OR51B5: variants seen among roughly 807,000 people sequenced by gnomAD.
The protein encoded by OR51B5 is olfactory receptor 51B5.
For synonymous variants in OR51B5, 186 were observed against 144.8 expected, an observed-to-expected ratio of 1.28 and a Z score of -2.04; for missense variants, 456 against 374.6, an observed-to-expected ratio of 1.22 and a Z score of -1.79.
At position 5,420,860 on chromosome 11, in the gene OR51B5, A is replaced by G. The variant is rs1002046728; in HGVS notation, n.85-73950T>C. 5.3e-5 allele frequency among the ~76,000 whole-genome samples: 8 copies of G among 152,222 alleles called. No homozygotes were observed. The East Asian group carries it at 1.5e-3, about 29-fold the overall frequency. On this transcript the variant is annotated intron_variant and non_coding_transcript_variant, in intron 1 of 4. Transcript: ENST00000415970. ...TCATTTCCTTATTTCTTGTACATAT[A>G]TATAAACATTTCTTTTTTCTTAGTG...
At chr11:5,465,205 C>CAA (rs34459420) in intron 1 of OR51B5, among the ~76,000 whole-genome samples, 19,189 of 45,368 alleles carry the variant, frequency 0.42, 5,604 homozygotes, top group Non-Finnish European at 0.51. Context: ...GACTCCGTCT[C>CAA]AAAAAAAAAA....
At chr11:5,406,662 A>C (rs1452366718) in intron 1 of OR51B5, among the ~76,000 whole-genome samples, 1 of 152,162 alleles carries the variant, frequency 6.6e-6, no homozygotes, top group African/African-American at 2.4e-5. Flanking sequence ...AGTTTGTTTC[A>C]AGCCAATTCT....
intron 1 of OR51B5, among the ~76,000 whole-genome samples, chr11:5,463,651 A>G (rs1851091928): frequency 6.6e-6 from 1 of 152,118 alleles, no homozygotes; most frequent in African/African-American, 2.4e-5. Flanking sequence ...TTGTTTGTTT[A>G]TAAGGAATAT....
chr11:5,361,702 C>G (rs568097211), intron 1 of OR51B5, among the ~76,000 whole-genome samples: 1 of 152,226 alleles, frequency 6.6e-6, no homozygotes, highest in East Asian at 1.9e-4. Flanking sequence ...TTGCAAATTC[C>G]TAGAAGAGGG....
intron 1 of OR51B5, among the ~76,000 whole-genome samples, chr11:5,357,463 C>A (rs933471256): frequency 6.6e-6 from 1 of 152,046 alleles, no homozygotes; most frequent in Non-Finnish European, 1.5e-5. Context: ...CAGGAACACC[C>A]AGGTTCATAA....
intron 1 of OR51B5, among the ~76,000 whole-genome samples, chr11:5,464,774 A>T (rs1368884179): frequency 6.6e-6 from 1 of 152,180 alleles, no homozygotes; most frequent in Admixed American, 6.5e-5. Flanking sequence ...TACAGCAGCA[A>T]GATTTATATT....
At position 5,343,389 on chromosome 11, in the gene OR51B5, G is replaced by GA. The variant is rs1848935867; in HGVS notation, c.135dup (p.Leu46SerfsTer3). ...TGAAGATTGTGATCTTCCTTAATGA[G>GA]AAGAAGGAGGGTGCCATTGCCAAAA... On this transcript the variant is annotated frameshift_variant, in exon 1 of 1. Coordinates refer to ENST00000300773, the Ensembl canonical transcript of OR51B5. LOFTEE classifies it low-confidence loss of function (END_TRUNC). The GA allele has an allele frequency of 6.2e-7, 1 of 1,613,966 alleles. No homozygotes were observed. The highest frequency in any genetic ancestry group is 1.3e-5 in the African/African-American group (1 of 75,052).
chr11:5,413,721 G>T (rs1431042121), intron 1 of OR51B5, among the ~76,000 whole-genome samples: 3 of 152,216 alleles, frequency 2.0e-5, no homozygotes. Context: ...AGCAAGAAGA[G>T]AAGTTTAGAG....
At chr11:5,446,167 T>C (rs1209446668) in intron 1 of OR51B5, among the ~76,000 whole-genome samples, 2 of 152,128 alleles carry the variant, frequency 1.3e-5, no homozygotes, top group Non-Finnish European at 2.9e-5. Context: ...GATGAGTTAA[T>C]GGGTGCAGCA....
intron 1 of OR51B5, among the ~76,000 whole-genome samples, chr11:5,426,982 C>G (rs927725014): frequency 1.3e-5 from 2 of 148,748 alleles, no homozygotes; most frequent in Non-Finnish European, 3.0e-5. Flanking sequence ...ATTATCTGCA[C>G]GATGAGACAA....
intron 1 of OR51B5, among the ~76,000 whole-genome samples, chr11:5,361,432 T>A (rs1247765054): frequency 4.6e-5 from 7 of 152,138 alleles, no homozygotes; most frequent in Admixed American, 4.6e-4. Context: ...TGGTGTTGGA[T>A]CCAATATCTT....
intron 1 of OR51B5, among the ~76,000 whole-genome samples, chr11:5,412,610 G>A (rs1037766113): frequency 3.9e-5 from 6 of 152,178 alleles, no homozygotes; most frequent in Non-Finnish European, 8.8e-5. Context: ...TTTCCAACGG[G>A]CTTAAAAAAC....
chr11:5,343,242 AG>A lies in OR51B5; in HGVS notation c.282del (p.Cys95AlafsTer45), dbSNP rs1260963763. ...TGTATAAAGTAGGCCTGGGAAAAGC[AG>A]GCCGCACTTCCAATCTCCCTGTGAT... On this transcript the variant is annotated frameshift_variant, in exon 1 of 1. Transcript: ENST00000300773. LOFTEE classifies it low-confidence loss of function (END_TRUNC). 1 of 1,613,822 alleles carries A rather than the reference AG, an allele frequency of 6.2e-7. No individual in the cohort carries two copies.
At chr11:5,357,466 G>T (rs1052308909) in intron 1 of OR51B5, among the ~76,000 whole-genome samples, 1 of 151,898 alleles carries the variant, frequency 6.6e-6, no homozygotes, top group Non-Finnish European at 1.5e-5. Context: ...GAACACCCAG[G>T]TTCATAAAGC....
intron 1 of OR51B5, chr11:5,389,703 A>C: frequency 6.2e-7 from 1 of 1,613,744 alleles, no homozygotes; most frequent in Non-Finnish European, 8.5e-7. Context: ...TTTAACTCCC[A>C]TAGTATCTAC....
At chr11:5,489,010 G>A in intron 1 of OR51B5, 1 of 1,614,026 alleles carries the variant, frequency 6.2e-7, no homozygotes, top group Non-Finnish European at 8.5e-7. Context: ...TGGATGCCTG[G>A]CCCAGATGTT....
chr11:5,397,309 A>G (rs1849891379), intron 1 of OR51B5, among the ~76,000 whole-genome samples: 1 of 152,228 alleles, frequency 6.6e-6, no homozygotes, highest in South Asian at 2.1e-4. Flanking sequence ...TACTCATCTG[A>G]CAAAGGGCTA....
At chr11:5,431,485 C>A in intron 1 of OR51B5, 1 of 171,454 alleles carries the variant, frequency 5.8e-6, no homozygotes, top group South Asian at 1.4e-4. Flanking sequence ...CCCACAATGG[C>A]CACAATGTAC....
At chr11:5,450,107 C>T (rs149587386) in intron 1 of OR51B5, among the ~76,000 whole-genome samples, 1 of 152,250 alleles carries the variant, frequency 6.6e-6, no homozygotes, top group East Asian at 1.9e-4. Context: ...ATAAGACATA[C>T]ACCAGGCGTG....
Sources: gnomAD v4.1 joint callset for allele counts (sites outside exome capture counted in the v4.1 genomes callset) on GRCh38, gnomAD v4.1.1 for gene constraint, MANE v1.5 for transcripts, NCBI Gene and HGNC (gene_info 2026-07-23, HGNC 2026-07-21) for gene names.